The following AATF variants were observed in gnomAD, a reference collection of about 807,000 sequenced individuals.
The protein encoded by AATF is protein AATF.
In AATF, 48 loss-of-function variants were observed where a neutral mutation model predicts 63.7. The ratio of observed to expected loss-of-function variants is 0.75; its 90% CI spans 0.60 to 0.96. AATF has a LOEUF of 0.96. AATF is among the 40% of genes least tolerant of loss of function. The pLI is 0.00. For synonymous variants in AATF, 258 were observed against 247.7 expected, an observed-to-expected ratio of 1.04 and a Z score of -0.39; for missense variants, 639 against 685.7, an observed-to-expected ratio of 0.93 and a Z score of 0.76.
intron 8 of AATF, chr17:36,998,844 A>C (rs1012780278): frequency 6.6e-6 from 1 of 152,224 alleles, no homozygotes; most frequent in African/African-American, 2.4e-5. Context: ...GCAGTCACAA[A>C]ATTAAGAGTG....
At chr17:37,046,764 C>T (rs2071696517) in intron 11 of AATF, among the ~76,000 whole-genome samples, 1 of 151,952 alleles carries the variant, frequency 6.6e-6, no homozygotes, top group Admixed American at 6.6e-5. Context: ...CACACACACA[C>T]ACACACGCAT....
chr17:36,980,219 A>C (rs2071111500), intron 4 of AATF: 1 of 152,210 alleles, frequency 6.6e-6, no homozygotes, highest in African/African-American at 2.4e-5. Flanking sequence ...TGACAGTGTC[A>C]GTTGAAATAC....
chr17:37,028,921 G>A (rs1019639585), intron 10 of AATF, among the ~76,000 whole-genome samples: 2 of 152,190 alleles, frequency 1.3e-5, no homozygotes. Flanking sequence ...TATAAGGCTA[G>A]GTGAGAAAAG....
chr17:37,011,466 G>C (rs889592384), intron 8 of AATF, among the ~76,000 whole-genome samples: 1 of 152,204 alleles, frequency 6.6e-6, no homozygotes, highest in African/African-American at 2.4e-5. Context: ...ACAAATTCGT[G>C]AATATAAGAC....
At chr17:37,011,806 G>A (rs1040920715) in intron 8 of AATF, among the ~76,000 whole-genome samples, 3 of 152,164 alleles carry the variant, frequency 2.0e-5, no homozygotes, top group Non-Finnish European at 4.4e-5. Flanking sequence ...GAGATCTTGA[G>A]ACCTTAGCAC....
intron 4 of AATF, among the ~76,000 whole-genome samples, chr17:36,969,828 C>T (rs1393554466): frequency 6.6e-6 from 1 of 152,164 alleles, no homozygotes; most frequent in African/African-American, 2.4e-5. Context: ...CCTATTTGTC[C>T]CTAGGCAACC....
chr17:37,019,103 A>T (rs201915649), intron 9 of AATF, 31 bp downstream of exon 9: 1 of 1,582,070 alleles, frequency 6.3e-7, no homozygotes, highest in East Asian at 2.2e-5. Context: ...TGTTCATGCA[A>T]GCAGCCTATG....
At chr17:37,052,796 A>G (rs1211168175) in intron 11 of AATF, 1 of 152,296 alleles carries the variant, frequency 6.6e-6, no homozygotes, top group Non-Finnish European at 1.5e-5. Flanking sequence ...CTCAAACCCA[A>G]GGACAGCTGG....
chr17:37,012,528 T>G (rs1271057201), intron 8 of AATF, among the ~76,000 whole-genome samples: 2 of 152,192 alleles, frequency 1.3e-5, no homozygotes, highest in African/African-American at 4.8e-5. Context: ...AGTGAGGAAG[T>G]TTGAGGAACC....
intron 2 of AATF, among the ~76,000 whole-genome samples, chr17:36,952,266 A>G (rs999472501): frequency 6.6e-6 from 1 of 152,158 alleles, no homozygotes; most frequent in Non-Finnish European, 1.5e-5. Flanking sequence ...TTCCATCTCC[A>G]TACACTGTGT....
At chr17:37,019,869 C>T (rs114421283) in intron 9 of AATF, among the ~76,000 whole-genome samples, 2,406 of 152,160 alleles carry the variant, frequency 0.016, 68 homozygotes, top group African/African-American at 0.054. Flanking sequence ...GAGAGCTGTT[C>T]GCTATAAATT....
rs201508524 is a variant in AATF, at chr17:37,004,334, AAG to A, written c.1398+13486_1398+13487del. On this transcript the variant is annotated intron_variant, in intron 8 of 11. Transcript: ENST00000619387. The stretch of plus-strand genomic sequence containing the variant: ...CAACAAGAGCTAAACTCTGAAAAAA[AAG>A]AGAGAGAGTGAGAGGAAATAAATTG... 8.1e-3 allele frequency among the ~76,000 whole-genome samples: 1,239 copies of A among 152,278 alleles called. 16 individuals are homozygous for A. The highest frequency in any genetic ancestry group is 0.014 in the Admixed American group (211 of 15,294).
intron 11 of AATF, among the ~76,000 whole-genome samples, chr17:37,042,170 G>C (rs926814152): frequency 5.9e-5 from 9 of 152,004 alleles, no homozygotes; most frequent in African/African-American, 2.2e-4. Context: ...TGGTTACATA[G>C]AAGTTTTACT....
At chr17:37,015,902 A>G (rs554565244) in intron 8 of AATF, among the ~76,000 whole-genome samples, 102 of 152,240 alleles carry the variant, frequency 6.7e-4, no homozygotes, top group South Asian at 5.2e-3. Context: ...CTGTGGTTCA[A>G]TATTTCCAAA....
intron 8 of AATF, among the ~76,000 whole-genome samples, chr17:37,011,771 T>C (rs1265327186): frequency 6.6e-6 from 1 of 151,684 alleles, no homozygotes; most frequent in Admixed American, 6.6e-5. Flanking sequence ...ATAGGATGAG[T>C]AGTGCTAGAT....
intron 10 of AATF, among the ~76,000 whole-genome samples, chr17:37,024,882 C>T (rs1213437340): frequency 1.3e-5 from 2 of 151,970 alleles, no homozygotes; most frequent in Non-Finnish European, 2.9e-5. Flanking sequence ...TCGTTTGAAC[C>T]AGAGAGGCAG....
chr17:36,972,529 T>C (rs536590217), intron 4 of AATF, among the ~76,000 whole-genome samples: 4 of 152,362 alleles, frequency 2.6e-5, no homozygotes, highest in South Asian at 4.1e-4. Context: ...AGGAAAAGTT[T>C]ATGGCTATAA....
intron 4 of AATF, among the ~76,000 whole-genome samples, chr17:36,965,801 A>T (rs941499037): frequency 6.6e-6 from 1 of 152,090 alleles, no homozygotes; most frequent in African/African-American, 2.4e-5. Flanking sequence ...TCCTGGGCTC[A>T]AGTGACCCTT....
intron 10 of AATF, among the ~76,000 whole-genome samples, chr17:37,028,389 G>A (rs987251584): frequency 6.6e-6 from 1 of 152,076 alleles, no homozygotes; most frequent in East Asian, 1.9e-4. Flanking sequence ...AGCCGTGATC[G>A]CACACTGCAC....
Sources: gnomAD v4.1 joint callset for allele counts (sites outside exome capture counted in the v4.1 genomes callset) on GRCh38, gnomAD v4.1.1 for gene constraint, MANE v1.5 for transcripts, NCBI Gene and HGNC (gene_info 2026-07-23, HGNC 2026-07-21) for gene names.